The following ZSWIM6 variants were observed in gnomAD, a reference collection of about 807,000 sequenced individuals.
ZSWIM6 encodes zinc finger SWIM-type containing 6, also known as zinc finger SWIM domain-containing protein 6.
ZSWIM6 carries 9 observed loss-of-function variants against 113.2 expected under a neutral mutation model. That is an observed-to-expected ratio of 0.08 (90% CI 0.05 to 0.14). The LOEUF (loss-of-function observed/expected upper bound fraction) is 0.14, where lower values mean the gene tolerates loss of function less well. Among genes scored for constraint, ZSWIM6 ranks in the 10% least tolerant of loss-of-function variants. ZSWIM6 has a pLI of 1.00. For synonymous variants in ZSWIM6, 611 were observed against 606.5 expected, an observed-to-expected ratio of 1.01 and a Z score of -0.11; for missense variants, 1,162 against 1,552.2, an observed-to-expected ratio of 0.75 and a Z score of 4.22.
chr5:61,451,707 C>T (rs995615579), intron 1 of ZSWIM6, among the ~76,000 whole-genome samples: 1 of 152,128 alleles, frequency 6.6e-6, no homozygotes, highest in Admixed American at 6.6e-5. Context: ...GCTTGTTTTA[C>T]CCTATAGATT....
intron 9 of ZSWIM6, among the ~76,000 whole-genome samples, chr5:61,533,460 A>G (rs529543798): frequency 6.6e-6 from 1 of 152,224 alleles, no homozygotes; most frequent in Non-Finnish European, 1.5e-5. Context: ...ATAAATTAGC[A>G]TATTGAACAA....
At chr5:61,402,630 G>C (rs1201142597) in intron 1 of ZSWIM6, among the ~76,000 whole-genome samples, 1 of 151,940 alleles carries the variant, frequency 6.6e-6, no homozygotes, top group Non-Finnish European at 1.5e-5. Context: ...GATACTGTAT[G>C]GTTTCTAGAT....
intron 4 of ZSWIM6, among the ~76,000 whole-genome samples, chr5:61,520,650 C>G (rs1749090397): frequency 6.6e-6 from 1 of 151,968 alleles, no homozygotes; most frequent in East Asian, 1.9e-4. Context: ...TTGCCCCAAA[C>G]TATTCATATT....
chr5:61,402,695 C>T (rs1745962356), intron 1 of ZSWIM6, among the ~76,000 whole-genome samples: 1 of 152,102 alleles, frequency 6.6e-6, no homozygotes, highest in Non-Finnish European at 1.5e-5. Context: ...AGGTTTTGCA[C>T]CTTAAAGGTT....
At chr5:61,516,072 C>T (rs1748928987) in intron 4 of ZSWIM6, among the ~76,000 whole-genome samples, 2 of 151,746 alleles carry the variant, frequency 1.3e-5, no homozygotes, top group Admixed American at 1.3e-4. Flanking sequence ...ATTTCTTATA[C>T]ACAGTATAAG....
intron 4 of ZSWIM6, among the ~76,000 whole-genome samples, chr5:61,519,480 T>C (rs114622698): frequency 0.018 from 2,686 of 152,258 alleles, 23 homozygotes; most frequent in Non-Finnish European, 0.026. Context: ...GGATTGCTTC[T>C]CCAGGTTTTA....
chr5:61,382,973 T>G (rs1227396546), intron 1 of ZSWIM6, among the ~76,000 whole-genome samples: 1 of 152,176 alleles, frequency 6.6e-6, no homozygotes, highest in African/African-American at 2.4e-5. Context: ...CTCAGTGTTA[T>G]TTTCTTTAAT....
intron 1 of ZSWIM6, among the ~76,000 whole-genome samples, chr5:61,450,639 G>A (rs1377308475): frequency 6.6e-6 from 1 of 151,928 alleles, no homozygotes; most frequent in African/African-American, 2.4e-5. Flanking sequence ...ATACTTCACT[G>A]TACTATGAAT....
chr5:61,480,663 T>TAA (rs1354729211), intron 2 of ZSWIM6, among the ~76,000 whole-genome samples: 1 of 152,180 alleles, frequency 6.6e-6, no homozygotes, highest in Non-Finnish European at 1.5e-5. Context: ...GGATAAAACT[T>TAA]AAATCTTTTC....
At chr5:61,412,006 A>G (rs979499793) in intron 1 of ZSWIM6, among the ~76,000 whole-genome samples, 2 of 152,220 alleles carry the variant, frequency 1.3e-5, no homozygotes, top group African/African-American at 4.8e-5. Context: ...CAATGTAACC[A>G]CAATAAATTG....
At chr5:61,366,324 G>C (rs1745150795) in intron 1 of ZSWIM6, among the ~76,000 whole-genome samples, 1 of 152,190 alleles carries the variant, frequency 6.6e-6, no homozygotes, top group Non-Finnish European at 1.5e-5. Context: ...ATATTTGATT[G>C]GATGGGATAG....
intron 1 of ZSWIM6, among the ~76,000 whole-genome samples, chr5:61,400,131 T>C (rs551003312): frequency 6.6e-6 from 1 of 152,282 alleles, no homozygotes; most frequent in Admixed American, 6.5e-5. Context: ...GGGGAACCGT[T>C]GGTTTTCAAG....
At chr5:61,519,201 T>C (rs1749044308) in intron 4 of ZSWIM6, among the ~76,000 whole-genome samples, 1 of 152,174 alleles carries the variant, frequency 6.6e-6, no homozygotes, top group Non-Finnish European at 1.5e-5. Flanking sequence ...TCAGTTAGTT[T>C]TCAAAACCTT....
At chr5:61,413,650 A>C (rs1746189800) in intron 1 of ZSWIM6, among the ~76,000 whole-genome samples, 1 of 152,058 alleles carries the variant, frequency 6.6e-6, no homozygotes, top group South Asian at 2.1e-4. Context: ...CAGTGTAAAA[A>C]TGTTCCTATT....
chr5:61,413,942 G>A (rs949908463), intron 1 of ZSWIM6, among the ~76,000 whole-genome samples: 3 of 151,920 alleles, frequency 2.0e-5, no homozygotes, highest in Non-Finnish European at 4.4e-5. Flanking sequence ...GGAGTGGGGT[G>A]GGGGTGGGGC....
At chr5:61,460,404 C>T (rs930042554) in intron 1 of ZSWIM6, among the ~76,000 whole-genome samples, 1 of 152,042 alleles carries the variant, frequency 6.6e-6, no homozygotes, top group African/African-American at 2.4e-5. Flanking sequence ...GTTCTTACAG[C>T]GGTTACCATT....
In ZSWIM6 at chr5:61,498,343, T is replaced by C. The variant is rs564226428; in HGVS notation, c.1333+3933T>C. Among the ~76,000 whole-genome samples the C allele has an allele frequency of 9.0e-4, 137 of 152,326 alleles. 5 individuals carry two copies. In the South Asian group the frequency reaches 0.028, roughly 31 times the overall value. ...TCTTAGGGAGCGGGTGGGCTGCCAT[T>C]GCAAGAGCCTTGCTGCACTGAGCTT... On this transcript the variant is annotated intron_variant, in intron 4 of 13. Transcript: ENST00000252744.
chr5:61,374,010 T>C (rs1745318928), intron 1 of ZSWIM6, among the ~76,000 whole-genome samples: 1 of 152,222 alleles, frequency 6.6e-6, no homozygotes. Flanking sequence ...ATTGTTTCTC[T>C]TTACTTTTTG....
chr5:61,521,824 A>G (rs1448090415), intron 5 of ZSWIM6, among the ~76,000 whole-genome samples: 1 of 152,062 alleles, frequency 6.6e-6, no homozygotes, highest in Non-Finnish European at 1.5e-5. Flanking sequence ...ATATGTTTTT[A>G]TTTTTCTTGA....
Sources: gnomAD v4.1 joint callset for allele counts (sites outside exome capture counted in the v4.1 genomes callset) on GRCh38, gnomAD v4.1.1 for gene constraint, MANE v1.5 for transcripts, NCBI Gene and HGNC (gene_info 2026-07-23, HGNC 2026-07-21) for gene names.